The following ZNF131 variants were observed in gnomAD, a reference collection of about 807,000 sequenced individuals.
ZNF131 encodes zinc finger and BTB domain containing 35.
ZNF131 carries 7 observed loss-of-function variants against 60.0 expected under a neutral mutation model. The ratio of observed to expected loss-of-function variants is 0.12; its 90% CI spans 0.07 to 0.22. The LOEUF is 0.22. ZNF131 is among the 10% of genes least tolerant of loss of function. ZNF131 has a pLI of 1.00. For synonymous variants in ZNF131, 257 were observed against 253.2 expected (o/e 1.01, Z -0.14); for missense variants, 493 against 740.9 (o/e 0.67, Z 3.88).
intron 3 of ZNF131, among the ~76,000 whole-genome samples, chr5:43,134,847 C>G (rs567246312): frequency 3.1e-4 from 46 of 149,520 alleles, no homozygotes; most frequent in African/African-American, 1.1e-3. Flanking sequence ...CAGGCTCCCC[C>G]TATCACACCC....
chr5:43,126,597 T>A (rs966375299), intron 3 of ZNF131, among the ~76,000 whole-genome samples: 5 of 150,130 alleles, frequency 3.3e-5, no homozygotes, highest in African/African-American at 1.2e-4. Flanking sequence ...GAATTTTAGC[T>A]TCTTTGTGCT....
intron 5 of ZNF131, among the ~76,000 whole-genome samples, chr5:43,168,810 T>TTACTC (rs914201244): frequency 6.6e-6 from 1 of 151,962 alleles, no homozygotes; most frequent in Non-Finnish European, 1.5e-5. Flanking sequence ...GAGATTTGAG[T>TTACTC]AACATTAGGT....
chr5:43,126,699 A>G (rs1579706835), intron 3 of ZNF131, among the ~76,000 whole-genome samples: 1 of 152,182 alleles, frequency 6.6e-6, no homozygotes, highest in Admixed American at 6.5e-5. Context: ...TCCCTCTTCC[A>G]TACTCTTCCG....
intron 5 of ZNF131, among the ~76,000 whole-genome samples, chr5:43,169,280 T>C (rs897183563): frequency 6.6e-6 from 1 of 152,262 alleles, no homozygotes; most frequent in South Asian, 2.1e-4. Flanking sequence ...AAAACTGTAC[T>C]GTCCACACAT....
intron 4 of ZNF131, among the ~76,000 whole-genome samples, chr5:43,140,298 G>A (rs1361317596): frequency 6.6e-6 from 1 of 152,184 alleles, no homozygotes; most frequent in Non-Finnish European, 1.5e-5. Flanking sequence ...AATAATGGCA[G>A]TGTAACATAG....
intron 4 of ZNF131, among the ~76,000 whole-genome samples, chr5:43,144,155 C>T (rs1454437846): frequency 6.7e-6 from 1 of 149,680 alleles, no homozygotes; most frequent in Admixed American, 6.7e-5. Context: ...ATCTCCTGAC[C>T]TCGTGATCCA....
chr5:43,167,504 A>G (rs1268747779), intron 5 of ZNF131, among the ~76,000 whole-genome samples: 1 of 152,144 alleles, frequency 6.6e-6, no homozygotes, highest in Non-Finnish European at 1.5e-5. Context: ...CAAAACGTAT[A>G]TACCCCATTA....
intron 5 of ZNF131, among the ~76,000 whole-genome samples, chr5:43,164,197 C>A (rs1750085655): frequency 6.6e-6 from 1 of 152,136 alleles, no homozygotes; most frequent in South Asian, 2.1e-4. Flanking sequence ...AAATATGGAT[C>A]AAAATTATAG....
chr5:43,149,908 C>T (rs1428809749), intron 4 of ZNF131, among the ~76,000 whole-genome samples: 1 of 151,990 alleles, frequency 6.6e-6, no homozygotes. Context: ...TTGTGGGGGT[C>T]TGAGATTTTA....
intron 3 of ZNF131, among the ~76,000 whole-genome samples, chr5:43,131,179 T>A (rs1215663490): frequency 6.6e-6 from 1 of 151,438 alleles, no homozygotes; most frequent in African/African-American, 2.4e-5. Flanking sequence ...AGCTTACCAC[T>A]GTTTTTTATT....
intron 4 of ZNF131, among the ~76,000 whole-genome samples, chr5:43,143,898 C>G (rs868612532): frequency 1.1e-4 from 4 of 34,972 alleles, no homozygotes; most frequent in African/African-American, 3.5e-4. Flanking sequence ...ATTGTCAGAG[C>G]TTTTTTTTTT....
rs569452346 is a variant in ZNF131 at position 43,128,944 on chromosome 5, A to G, written c.226+5634A>G. On this transcript the variant is annotated intron_variant, in intron 3 of 6. Transcript: ENST00000682664. ...TTATTTATTATTTATTATTATTACT[A>G]TTTTTGAGACGGAGTCTCACTCTGT... Among the ~76,000 whole-genome samples, 9 of 151,874 alleles carry G rather than the reference A, an allele frequency of 5.9e-5. No individual in the cohort carries two copies. The South Asian group carries it at 8.3e-4, about 14-fold the overall frequency.
intron 5 of ZNF131, among the ~76,000 whole-genome samples, chr5:43,168,425 G>A (rs548853770): frequency 2.0e-5 from 3 of 152,158 alleles, no homozygotes; most frequent in Admixed American, 6.5e-5. Flanking sequence ...TGGCCAGAGG[G>A]TTAGGTCCAA....
chr5:43,127,510 C>G (rs979038864), intron 3 of ZNF131, among the ~76,000 whole-genome samples: 2 of 152,176 alleles, frequency 1.3e-5, no homozygotes, highest in African/African-American at 4.8e-5. Context: ...GCAGCACTGC[C>G]CTAGCATGAT....
chr5:43,165,762 A>G (rs1750268092), intron 5 of ZNF131, among the ~76,000 whole-genome samples: 1 of 152,192 alleles, frequency 6.6e-6, no homozygotes, highest in East Asian at 1.9e-4. Context: ...TCCCAACAAG[A>G]AAGTTATCTG....
intron 3 of ZNF131, among the ~76,000 whole-genome samples, chr5:43,128,035 C>T (rs557721626): frequency 5.5e-4 from 83 of 152,250 alleles, no homozygotes; most frequent in African/African-American, 1.8e-3. Context: ...GCAGGGATTC[C>T]CTGAGTCTAG....
In ZNF131 at chr5:43,122,138, G is replaced by A; in HGVS notation, c.85G>A (p.Glu29Lys). The A allele has an allele frequency of 6.2e-7, 1 of 1,613,926 alleles. No homozygotes were observed. Among genetic ancestry groups the A allele is most frequent in the Non-Finnish European group, 8.5e-7 (1 of 1,179,962 alleles). The change falls in exon 2 of 7, where the codon GAG becomes AAG. Residue 29 changes from glutamate (E) to lysine (K), a missense_variant. Physicochemically the swap from Glu to Lys is moderately conservative, Grantham distance 56. Coordinates refer to ENST00000682664, the MANE Select transcript of ZNF131 (RefSeq NM_001330707.2). ...CCTCGACCGATTGAATGAACAGCGA[G>A]AGCAGGACCGGTTTACTGACATCAC... The part of the protein sequence containing the change: ...MILDRLNEQR[E>K]QDRFTDITLI...
intron 3 of ZNF131, 52 bp from the exon 4 acceptor site, chr5:43,139,108 ACATTG>A: frequency 1.5e-6 from 2 of 1,357,948 alleles, no homozygotes; most frequent in South Asian, 4.1e-5. Context: ...TCTTTACTAA[ACATTG>A]TAAGATTTGA....
rs114448329 is a variant in ZNF131, at chr5:43,154,798, T to C, written c.372-6451T>C. Among the ~76,000 whole-genome samples, 534 of 152,286 alleles carry C rather than the reference T, an allele frequency of 3.5e-3. 2 individuals are homozygous for C. The highest frequency in any genetic ancestry group is 0.031 in the Middle Eastern group (9 of 294). On this transcript the variant is annotated intron_variant, in intron 4 of 6. Coordinates refer to ENST00000682664, the MANE Select transcript of ZNF131 (RefSeq NM_001330707.2). ...CCCTTATCTTGCACATCTGAATGAG[T>C]GACCCAGATAATTCCGGCAACAGCT... is the stretch of plus-strand genomic sequence containing the variant.
Sources: allele counts gnomAD v4.1 joint callset (sites outside exome capture counted in the v4.1 genomes callset), GRCh38; gene constraint gnomAD v4.1.1; transcripts MANE v1.5; gene names NCBI Gene and HGNC (gene_info 2026-07-23, HGNC 2026-07-21).